Variants in SPAG16 observed in about 807,000 individuals in gnomAD.
SPAG16 encodes sperm associated antigen 16.
A neutral mutation model predicts 80.4 loss-of-function variants in SPAG16; 86 were observed. The ratio of observed to expected loss-of-function variants is 1.07; its 90% CI spans 0.90 to 1.28. The LOEUF (loss-of-function observed/expected upper bound fraction) is 1.28, where lower values mean the gene tolerates loss of function less well. SPAG16 is among the 50% of genes most tolerant of loss of function. SPAG16 has a pLI of 0.00. For missense variants in SPAG16, 870 were observed against 765.3 expected, an observed-to-expected ratio of 1.14 and a Z score of -1.61; for synonymous variants, 294 against 265.9, an observed-to-expected ratio of 1.11 and a Z score of -1.03.
intron 15 of SPAG16, among the ~76,000 whole-genome samples, chr2:214,301,422 CA>C (rs1295469042): frequency 1.6e-4 from 24 of 151,978 alleles, no homozygotes; most frequent in Admixed American, 9.2e-4. Flanking sequence ...GGGGAATATC[CA>C]CTCTCACCAC....
chr2:213,294,439 T>C (rs1376311630), intron 1 of SPAG16, among the ~76,000 whole-genome samples: 1 of 152,226 alleles, frequency 6.6e-6, no homozygotes, highest in Non-Finnish European at 1.5e-5. Context: ...AGATAATTAA[T>C]AAAGGAGGTA....
At chr2:213,861,654 T>A (rs1412730051) in intron 10 of SPAG16, among the ~76,000 whole-genome samples, 1 of 152,190 alleles carries the variant, frequency 6.6e-6, no homozygotes, top group African/African-American at 2.4e-5. Context: ...AAGGCATAGA[T>A]GAAACTTTAT....
intron 9 of SPAG16, among the ~76,000 whole-genome samples, chr2:213,437,057 AC>A (rs1175851016): frequency 6.6e-6 from 1 of 151,822 alleles, no homozygotes; most frequent in Admixed American, 6.6e-5. Context: ...GATTACAGGC[AC>A]CCACCACCGC....
intron 9 of SPAG16, among the ~76,000 whole-genome samples, chr2:213,445,369 C>T (rs1013850152): frequency 6.6e-6 from 1 of 152,138 alleles, no homozygotes; most frequent in African/African-American, 2.4e-5. Context: ...ATATCAATGA[C>T]CAACAGATAT....
rs1350356795 is a variant in SPAG16, at chr2:213,932,163, TA to T, written c.1400+2019del. On this transcript the variant is annotated intron_variant, in intron 12 of 15. Transcript: ENST00000331683. ...TTGATACTGCATATATATATATATA[TA>T]TATATATATATATATATATATATAT... Among the ~76,000 whole-genome samples, 45 of 15,112 alleles carry T rather than the reference TA, an allele frequency of 3.0e-3. 1 individual carries two copies. Among genetic ancestry groups the T allele is most frequent in the African/African-American group, 4.5e-3 (40 of 8,952 alleles). The allele number at this position is 15,112 out of a possible 152,430, so 9.9% of individuals were successfully genotyped here.
intron 9 of SPAG16, chr2:213,422,566 G>A: frequency 2.4e-6 from 1 of 413,504 alleles, no homozygotes; most frequent in Non-Finnish European, 4.4e-6. Flanking sequence ...AGCAAAACTT[G>A]GGCAAAGGTA....
At chr2:213,315,737 A>G (rs2063376220) in intron 4 of SPAG16, among the ~76,000 whole-genome samples, 1 of 151,802 alleles carries the variant, frequency 6.6e-6, no homozygotes, top group African/African-American at 2.4e-5. Flanking sequence ...CAACTTCAGT[A>G]ATTGATTCTC....
chr2:213,532,462 A>ATTTTTT (rs374457236), intron 10 of SPAG16, among the ~76,000 whole-genome samples: 11 of 139,978 alleles, frequency 7.9e-5, no homozygotes, highest in African/African-American at 2.7e-4. Context: ...GTTTAATTGA[A>ATTTTTT]TTTTTTTTTT....
chr2:213,584,929 C>T (rs766500123), intron 10 of SPAG16, among the ~76,000 whole-genome samples: 14 of 152,116 alleles, frequency 9.2e-5, no homozygotes, highest in Non-Finnish European at 1.9e-4. Context: ...TGGCTCACGC[C>T]AGTAATCCTA....
intron 12 of SPAG16, among the ~76,000 whole-genome samples, chr2:213,973,640 T>C (rs2045205070): frequency 1.4e-5 from 2 of 142,582 alleles, no homozygotes; most frequent in African/African-American, 3.1e-5. Context: ...TGCCCCCTTT[T>C]TTTTTTTTTT....
chr2:213,977,887 G>A (rs946763564), intron 12 of SPAG16, among the ~76,000 whole-genome samples: 3 of 151,858 alleles, frequency 2.0e-5, no homozygotes, highest in Non-Finnish European at 2.9e-5. Context: ...CAAAATTTAT[G>A]TCCCTGCATC....
intron 9 of SPAG16, among the ~76,000 whole-genome samples, chr2:213,484,379 T>A (rs1372827487): frequency 6.6e-6 from 1 of 152,242 alleles, no homozygotes; most frequent in Non-Finnish European, 1.5e-5. Context: ...ATTCGTATTT[T>A]CATACTTAGA....
intron 15 of SPAG16, among the ~76,000 whole-genome samples, chr2:214,186,022 C>A (rs2057458475): frequency 8.2e-6 from 1 of 122,434 alleles, no homozygotes; most frequent in South Asian, 2.8e-4. Flanking sequence ...CATAAATACC[C>A]AGCACTGTAC....
intron 11 of SPAG16, among the ~76,000 whole-genome samples, chr2:213,889,718 CAT>C (rs142706889): frequency 0.24 from 35,917 of 147,076 alleles, 4,955 homozygotes; most frequent in South Asian, 0.37. Context: ...TATACATATG[CAT>C]ATATATATAC....
At chr2:213,319,030 A>T (rs1227592818) in intron 5 of SPAG16, among the ~76,000 whole-genome samples, 1 of 151,970 alleles carries the variant, frequency 6.6e-6, no homozygotes, top group Non-Finnish European at 1.5e-5. Flanking sequence ...AGCCAGTGTT[A>T]TTCTGACAAG....
intron 13 of SPAG16, among the ~76,000 whole-genome samples, chr2:214,053,629 A>G (rs1463413307): frequency 2.0e-5 from 3 of 152,320 alleles, no homozygotes; most frequent in South Asian, 2.1e-4. Flanking sequence ...AAAGACTCCA[A>G]TGCTAATTTC....
At chr2:213,631,974 A>G (rs1198393825) in intron 10 of SPAG16, among the ~76,000 whole-genome samples, 1 of 152,030 alleles carries the variant, frequency 6.6e-6, no homozygotes, top group African/African-American at 2.4e-5. Flanking sequence ...TGAGTCTTTT[A>G]TGGTGCCATA....
chr2:213,412,395 G>A (rs1020582733), intron 9 of SPAG16, among the ~76,000 whole-genome samples: 8 of 151,992 alleles, frequency 5.3e-5, no homozygotes, highest in East Asian at 1.9e-4. Flanking sequence ...CTGTAAGTGC[G>A]CACCTTTCTA....
intron 9 of SPAG16, among the ~76,000 whole-genome samples, chr2:213,473,811 T>C (rs2073220810): frequency 6.6e-6 from 1 of 152,154 alleles, no homozygotes; most frequent in Non-Finnish European, 1.5e-5. Flanking sequence ...ATTAGAAAAC[T>C]CAAGCAGTTA....
Sources: allele counts gnomAD v4.1 joint callset (sites outside exome capture counted in the v4.1 genomes callset), GRCh38; gene constraint gnomAD v4.1.1; transcripts MANE v1.5; gene names NCBI Gene and HGNC (gene_info 2026-07-23, HGNC 2026-07-21).